The following MAST4 variants were observed in gnomAD, a reference collection of about 807,000 sequenced individuals.
MAST4 encodes the protein microtubule-associated serine/threonine-protein kinase 4.
A neutral mutation model predicts 162.7 loss-of-function variants in MAST4; 89 were observed. The ratio of observed to expected loss-of-function variants is 0.55; its 90% CI spans 0.46 to 0.65. The LOEUF is 0.65. MAST4 is among the 30% of genes least tolerant of loss of function. The pLI, the probability that MAST4 is intolerant of heterozygous loss-of-function variation, is 0.00. For synonymous variants in MAST4, 1,479 were observed against 1,361.1 expected, an observed-to-expected ratio of 1.09 and a Z score of -1.91; for missense variants, 3,153 against 3,374.0, an observed-to-expected ratio of 0.93 and a Z score of 1.62.
intron 1 of MAST4, among the ~76,000 whole-genome samples, chr5:66,605,904 C>T (rs907540585): frequency 1.3e-5 from 2 of 152,134 alleles, no homozygotes; most frequent in Non-Finnish European, 1.5e-5. Flanking sequence ...AAAGCTTAGC[C>T]TAAGTGTGTG....
At chr5:66,987,692 C>G (rs9283706) in intron 4 of MAST4, among the ~76,000 whole-genome samples, 33,353 of 152,024 alleles carry the variant, frequency 0.22, 3,984 homozygotes, top group Non-Finnish European at 0.26. Flanking sequence ...TCAAGCCGTA[C>G]AGATCATGTC....
At chr5:66,653,471 C>T (rs1007972593) in intron 1 of MAST4, among the ~76,000 whole-genome samples, 2 of 152,192 alleles carry the variant, frequency 1.3e-5, no homozygotes, top group Admixed American at 1.3e-4. Flanking sequence ...CCTACTCAGC[C>T]TGTGGAGGTT....
At chr5:66,825,999 T>C (rs1427567189) in intron 3 of MAST4, among the ~76,000 whole-genome samples, 3 of 152,220 alleles carry the variant, frequency 2.0e-5, no homozygotes, top group Non-Finnish European at 4.4e-5. Flanking sequence ...GTGTCATCAT[T>C]TGAAGTTTTT....
At chr5:67,155,991 G>A (rs548996387) in intron 26 of MAST4, among the ~76,000 whole-genome samples, 3 of 151,758 alleles carry the variant, frequency 2.0e-5, no homozygotes, top group Admixed American at 6.6e-5. Context: ...CCCGGGAGGC[G>A]GAGGTTGCAG....
At chr5:67,129,831 T>G (rs185217608) in intron 14 of MAST4, among the ~76,000 whole-genome samples, 6 of 152,312 alleles carry the variant, frequency 3.9e-5, no homozygotes, top group Admixed American at 2.0e-4. Flanking sequence ...GCTTGTTATA[T>G]GTGTGTAACT....
chr5:67,009,370 T>C (rs536949068), intron 4 of MAST4, among the ~76,000 whole-genome samples: 4 of 152,106 alleles, frequency 2.6e-5, no homozygotes, highest in Non-Finnish European at 5.9e-5. Context: ...CAACACAGAG[T>C]TCCAGGAACT....
chr5:66,789,786 A>G (rs759712345), intron 3 of MAST4: 2 of 518,256 alleles, frequency 3.9e-6, no homozygotes, highest in African/African-American at 1.9e-5. Context: ...CTTTTAAGCA[A>G]TGCAAATACG....
At chr5:66,805,831 C>A (rs772210577) in intron 3 of MAST4, among the ~76,000 whole-genome samples, 1 of 152,134 alleles carries the variant, frequency 6.6e-6, no homozygotes, top group African/African-American at 2.4e-5. Context: ...CAGAGACAGG[C>A]GTTGAGATTG....
intron 1 of MAST4, among the ~76,000 whole-genome samples, chr5:66,705,061 T>C (rs1047429761): frequency 2.0e-5 from 3 of 152,202 alleles, no homozygotes; most frequent in African/African-American, 7.2e-5. Flanking sequence ...CAGTCATCCA[T>C]AGTTCCTCTG....
At chr5:66,777,581 T>A (rs1754662230) in intron 2 of MAST4, among the ~76,000 whole-genome samples, 1 of 152,154 alleles carries the variant, frequency 6.6e-6, no homozygotes, top group Non-Finnish European at 1.5e-5. Context: ...TTTGATTTTA[T>A]GAGTTTAGAA....
chr5:66,624,202 A>G (rs1744273788), intron 1 of MAST4, among the ~76,000 whole-genome samples: 1 of 121,938 alleles, frequency 8.2e-6, no homozygotes, highest in Non-Finnish European at 1.6e-5. Flanking sequence ...CCCAGGCTGG[A>G]GTGCAAGTGG....
chr5:66,687,244 C>G (rs1343517629), intron 1 of MAST4, among the ~76,000 whole-genome samples: 2 of 152,122 alleles, frequency 1.3e-5, no homozygotes, highest in Admixed American at 1.3e-4. Context: ...TTCCCTCATC[C>G]TTATGGGGTC....
rs1484274779 is a variant in MAST4, at chr5:67,149,585, A to G, written c.3291A>G (p.Pro1097=). The change falls in exon 24 of 29, where the codon CCA becomes CCG. Residue 1097 remains proline (P), a synonymous_variant. Transcript: ENST00000403625. The part of the protein sequence containing the change: ...LSASALSLMI[P]GDMFAVSPLG... ...CCAGTGCTCTTTCCCTCATGATCCCAGGAGGTAGAGAGATACTACTTGCAT... is the reference window on the plus strand; with the variant it reads ...CCAGTGCTCTTTCCCTCATGATCCCGGGAGGTAGAGAGATACTACTTGCAT... 1 of 1,613,392 alleles carries G rather than the reference A, an allele frequency of 6.2e-7. No homozygotes were observed. Among genetic ancestry groups the G allele is most frequent in the South Asian group, 1.1e-5 (1 of 90,848 alleles).
intron 4 of MAST4, among the ~76,000 whole-genome samples, chr5:66,956,626 A>G (rs1232592051): frequency 2.0e-5 from 3 of 152,192 alleles, no homozygotes; most frequent in Non-Finnish European, 1.5e-5. Context: ...GCATCCCCTC[A>G]AGGTGACGTA....
chr5:67,015,060 C>G (rs1446686669), intron 4 of MAST4, among the ~76,000 whole-genome samples: 1 of 152,136 alleles, frequency 6.6e-6, no homozygotes, highest in Non-Finnish European at 1.5e-5. Context: ...GGTTGGAAAT[C>G]CATGAGGGAA....
At chr5:67,037,965 T>G (rs903265493) in intron 4 of MAST4, among the ~76,000 whole-genome samples, 3 of 152,118 alleles carry the variant, frequency 2.0e-5, no homozygotes, top group Admixed American at 6.5e-5. Flanking sequence ...ATTTCATAAG[T>G]GGAATTATGT....
intron 1 of MAST4, among the ~76,000 whole-genome samples, chr5:66,601,828 G>C (rs1260742111): frequency 6.6e-6 from 1 of 152,146 alleles, no homozygotes; most frequent in African/African-American, 2.4e-5. Context: ...GATCAGATTT[G>C]TATTTTGGGA....
chr5:66,748,188 C>T (rs950672114), intron 1 of MAST4, among the ~76,000 whole-genome samples: 1 of 151,996 alleles, frequency 6.6e-6, no homozygotes, highest in Non-Finnish European at 1.5e-5. Context: ...AATGAAGTTC[C>T]CAGTGGGCAG....
intron 3 of MAST4, among the ~76,000 whole-genome samples, chr5:66,898,459 C>A (rs1762816815): frequency 6.7e-6 from 1 of 150,080 alleles, no homozygotes; most frequent in South Asian, 2.1e-4. Context: ...TTTCGGTTCC[C>A]AAGGAAAACT....
Sources: gnomAD v4.1 joint callset for allele counts (sites outside exome capture counted in the v4.1 genomes callset) on GRCh38, gnomAD v4.1.1 for gene constraint, MANE v1.5 for transcripts, NCBI Gene and HGNC (gene_info 2026-07-23, HGNC 2026-07-21) for gene names.